The following FAM168A variants were observed in gnomAD, a reference collection of about 807,000 sequenced individuals.
FAM168A encodes the protein protein FAM168A.
A neutral mutation model predicts 28.5 loss-of-function variants in FAM168A; 3 were observed. The ratio of observed to expected loss-of-function variants is 0.11; its 90% CI spans 0.05 to 0.27. The LOEUF (loss-of-function observed/expected upper bound fraction) is 0.27, where lower values mean the gene tolerates loss of function less well. Ranked by LOEUF, FAM168A falls within the 10% of genes least tolerant of loss-of-function variation. The pLI is 1.00. For missense variants in FAM168A, 222 were observed against 311.5 expected (o/e 0.71, Z 2.16); for synonymous variants, 122 against 124.2 (o/e 0.98, Z 0.12).
At chr11:73,411,574 G>A in intron 4 of FAM168A, 38 bp from the exon 5 acceptor site, 1 of 1,612,274 alleles carries the variant, frequency 6.2e-7, no homozygotes, top group African/African-American at 1.3e-5. Context: ...CAGTTAGTTG[G>A]CAGAAAAGCA....
chr11:73,541,341 A>C (rs961436496), intron 1 of FAM168A, among the ~76,000 whole-genome samples: 2 of 151,814 alleles, frequency 1.3e-5, no homozygotes, highest in African/African-American at 4.8e-5. Flanking sequence ...ACTGATTATG[A>C]TAGTGTAACT....
chr11:73,445,417 C>CTTT (rs1565248223), intron 2 of FAM168A, among the ~76,000 whole-genome samples: 1 of 92,190 alleles, frequency 1.1e-5, no homozygotes, highest in South Asian at 3.5e-4. Flanking sequence ...GTAAAAATGT[C>CTTT]TCTTTTTTTT....
chr11:73,594,583 A>G lies in FAM168A; in HGVS notation c.-19+3340T>C, dbSNP rs191490535. Among the ~76,000 whole-genome samples, 531 of 152,172 alleles carry G rather than the reference A, an allele frequency of 3.5e-3. 6 individuals are homozygous for G. Among genetic ancestry groups the G allele is most frequent in the Non-Finnish European group, 2.4e-3 (164 of 68,006 alleles). ...AGACAGAGTTTCGCTCTTGTTGCCT[A>G]TGCTGGAGTGCAATGGCGCAATCGT... On this transcript the variant is annotated intron_variant, in intron 1 of 7. Coordinates refer to ENST00000356467, the MANE Select transcript of FAM168A (RefSeq NM_015159.3).
intron 1 of FAM168A, among the ~76,000 whole-genome samples, chr11:73,472,126 C>T (rs910476551): frequency 6.6e-6 from 1 of 152,128 alleles, no homozygotes; most frequent in African/African-American, 2.4e-5. Flanking sequence ...CCACACATAC[C>T]CCTGGTCCCT....
At chr11:73,433,076 C>CTTTTTTTTTTTTTTTTTTTTTTTTTTTTT (rs34994742) in intron 2 of FAM168A, among the ~76,000 whole-genome samples, 3 of 80,602 alleles carry the variant, frequency 3.7e-5, no homozygotes, top group African/African-American at 2.0e-4. Flanking sequence ...CACGCCCCGC[C>CTTTTTTTTTTTTTTTTTTTTTTTTTTTTT]TTTTTTTTTT....
At position 73,514,697 on chromosome 11, in the gene FAM168A, G is replaced by A. The variant is rs146660589; in HGVS notation, c.-18-46205C>T. On this transcript the variant is annotated intron_variant, in intron 1 of 7. Transcript: ENST00000356467. ...AAATACAAAAAATTAACCGAGCATG[G>A]TGGTGTGCTCCTGTAGTCCCAGCTA... 2.0e-5 allele frequency among the ~76,000 whole-genome samples: 3 copies of A among 152,248 alleles called. No individual in the cohort carries two copies. The East Asian group carries it at 5.8e-4, about 29-fold the overall frequency.
chr11:73,494,996 A>ACT (rs1361024038), intron 1 of FAM168A, among the ~76,000 whole-genome samples: 1 of 151,076 alleles, frequency 6.6e-6, no homozygotes, highest in African/African-American at 2.4e-5. Context: ...ATGGAGTGAG[A>ACT]CTGTCTCAAA....
At chr11:73,450,717 TTC>T (rs940127170) in intron 2 of FAM168A, among the ~76,000 whole-genome samples, 3 of 149,620 alleles carry the variant, frequency 2.0e-5, no homozygotes, top group African/African-American at 7.4e-5. Context: ...TTCAACTGGT[TTC>T]TTTTTATGGA....
chr11:73,424,630 TG>T (rs544808114), intron 3 of FAM168A, among the ~76,000 whole-genome samples: 140 of 152,310 alleles, frequency 9.2e-4, no homozygotes, highest in African/African-American at 3.2e-3. Flanking sequence ...AATCTGATCC[TG>T]GGGCAGACTA....
intron 1 of FAM168A, among the ~76,000 whole-genome samples, chr11:73,485,755 T>C (rs1868044908): frequency 6.6e-6 from 1 of 152,204 alleles, no homozygotes. Flanking sequence ...ATGAGTCTCC[T>C]ACTTTGTCCA....
rs984943738 is a variant in FAM168A at position 73,501,917 on chromosome 11, C to T, written c.-18-33425G>A. On this transcript the variant is annotated intron_variant, in intron 1 of 7. Transcript: ENST00000356467. ...GAGATCAAGACCATCCTGGCTAACA[C>T]GGTGAAACCCCGCCTCTATTAAAAG... Among the ~76,000 whole-genome samples, 13 of 152,014 alleles carry T rather than the reference C, an allele frequency of 8.6e-5. No individual in the cohort carries two copies. In the East Asian group the frequency reaches 9.7e-4, roughly 11 times the overall value.
chr11:73,533,320 C>G (rs1210680700), intron 1 of FAM168A, among the ~76,000 whole-genome samples: 2 of 152,108 alleles, frequency 1.3e-5, no homozygotes, highest in African/African-American at 4.8e-5. Context: ...AACCCAATTA[C>G]CTTGTCTTTC....
intron 1 of FAM168A, among the ~76,000 whole-genome samples, chr11:73,501,085 A>G (rs1353963188): frequency 1.3e-5 from 2 of 152,214 alleles, no homozygotes; most frequent in Non-Finnish European, 2.9e-5. Flanking sequence ...CAAAGATCAA[A>G]AAAGACAAAA....
chr11:73,434,882 G>C (rs1327595491), intron 2 of FAM168A, among the ~76,000 whole-genome samples: 4 of 152,214 alleles, frequency 2.6e-5, no homozygotes, highest in Non-Finnish European at 4.4e-5. Flanking sequence ...AAATAGTGGA[G>C]GTTTGAAGAG....
At chr11:73,516,580 T>C (rs79612909) in intron 1 of FAM168A, among the ~76,000 whole-genome samples, 4,523 of 152,286 alleles carry the variant, frequency 0.03, 222 homozygotes, top group African/African-American at 0.1. Flanking sequence ...CCAATTAAAG[T>C]TTACTTTTAA....
intron 2 of FAM168A, among the ~76,000 whole-genome samples, chr11:73,439,319 T>C (rs1590776466): frequency 6.6e-6 from 1 of 152,088 alleles, no homozygotes; most frequent in Admixed American, 6.5e-5. Flanking sequence ...GGAGGAAATA[T>C]CCAGTAATCA....
intron 1 of FAM168A, among the ~76,000 whole-genome samples, chr11:73,577,507 T>C (rs1944190498): frequency 6.6e-6 from 1 of 152,360 alleles, no homozygotes; most frequent in South Asian, 2.1e-4. Context: ...TGCCTGATCC[T>C]TTTACAAAGT....
chr11:73,524,780 G>A (rs1432557374), intron 1 of FAM168A, among the ~76,000 whole-genome samples: 1 of 151,992 alleles, frequency 6.6e-6, no homozygotes, highest in African/African-American at 2.4e-5. Context: ...TGTATTTTTA[G>A]TGAAGACAGG....
At chr11:73,582,994 T>C (rs1215114285) in intron 1 of FAM168A, among the ~76,000 whole-genome samples, 2 of 152,124 alleles carry the variant, frequency 1.3e-5, no homozygotes, top group Admixed American at 6.5e-5. Context: ...ACAACAATGA[T>C]AGAAGACACT....
Sources: allele counts gnomAD v4.1 joint callset (sites outside exome capture counted in the v4.1 genomes callset), GRCh38; gene constraint gnomAD v4.1.1; transcripts MANE v1.5; gene names NCBI Gene and HGNC (gene_info 2026-07-23, HGNC 2026-07-21).